Variants in EPHB1 observed in about 807,000 individuals in gnomAD.
EPHB1 encodes the protein ephrin type-B receptor 1.
In EPHB1, 30 loss-of-function variants were observed where a neutral mutation model predicts 94.4. That is an observed-to-expected ratio of 0.32 (90% CI 0.24 to 0.43). EPHB1 has a LOEUF of 0.43. Ranked by LOEUF, EPHB1 falls within the 20% of genes least tolerant of loss-of-function variation. The pLI is 1.00. For synonymous variants in EPHB1, 522 were observed against 489.1 expected, an observed-to-expected ratio of 1.07 and a Z score of -0.89; for missense variants, 1,055 against 1,308.3, an observed-to-expected ratio of 0.81 and a Z score of 2.99.
intron 2 of EPHB1, among the ~76,000 whole-genome samples, chr3:134,944,798 G>C (rs1463909397): frequency 1.3e-5 from 2 of 152,194 alleles, no homozygotes; most frequent in African/African-American, 4.8e-5. Context: ...AAGTGGAATT[G>C]CTGGGTCAAA....
At chr3:135,110,327 G>T (rs896040522) in intron 4 of EPHB1, among the ~76,000 whole-genome samples, 3 of 152,044 alleles carry the variant, frequency 2.0e-5, no homozygotes, top group Admixed American at 6.5e-5. Context: ...ATGAAAAAGG[G>T]GTCATTGTGT....
intron 1 of EPHB1, among the ~76,000 whole-genome samples, chr3:134,913,668 A>G (rs1341618636): frequency 6.6e-6 from 1 of 152,162 alleles, no homozygotes; most frequent in African/African-American, 2.4e-5. Context: ...ACTTCCATCA[A>G]GGGGTCGAGG....
At chr3:134,892,538 A>G (rs150840230) in intron 1 of EPHB1, among the ~76,000 whole-genome samples, 61 of 152,334 alleles carry the variant, frequency 4.0e-4, no homozygotes, top group African/African-American at 1.3e-3. Flanking sequence ...CTGCCCATCA[A>G]TCACTCCCTA....
At position 135,023,390 on chromosome 3, in the gene EPHB1, G is replaced by T. The variant is rs186382046; in HGVS notation, c.805+71338G>T. Among the ~76,000 whole-genome samples the T allele has an allele frequency of 4.7e-4, 71 of 152,254 alleles. 1 individual carries two copies. The highest frequency in any genetic ancestry group is 1.5e-3 in the African/African-American group (61 of 41,544). The stretch of plus-strand genomic sequence containing the variant: ...GGGAGCTGTCCTGTGCATTGTAGAA[G>T]ATTTAGCAGGATCCTTGGCCTCTAT... On this transcript the variant is annotated intron_variant, in intron 3 of 15. Transcript: ENST00000398015.
chr3:135,146,156 A>G (rs1941002922), intron 5 of EPHB1, among the ~76,000 whole-genome samples: 1 of 152,250 alleles, frequency 6.6e-6, no homozygotes, highest in South Asian at 2.1e-4. Flanking sequence ...TCTGGTGGGC[A>G]TGGTCAGGCA....
intron 1 of EPHB1, among the ~76,000 whole-genome samples, chr3:134,844,965 A>C (rs1207689448): frequency 6.6e-6 from 1 of 152,102 alleles, no homozygotes; most frequent in Non-Finnish European, 1.5e-5. Context: ...AAAGAGTTCC[A>C]CCTGAATCCA....
intron 3 of EPHB1, among the ~76,000 whole-genome samples, chr3:135,070,098 T>G (rs1316355373): frequency 1.3e-5 from 2 of 152,204 alleles, no homozygotes; most frequent in African/African-American, 4.8e-5. Context: ...TTTCAAACAC[T>G]GCAAATGAAA....
At position 135,106,462 on chromosome 3, in the gene EPHB1, A is replaced by T; in HGVS notation, c.820A>T (p.Thr274Ser). The change falls in exon 4 of 16, where the codon ACA (threonine) becomes TCA (serine). Residue 274 changes from threonine (T) to serine (S), a missense_variant. By Grantham distance (58) the Thr-to-Ser change is moderately conservative. Coordinates refer to ENST00000398015, the MANE Select transcript of EPHB1 (RefSeq NM_004441.5). ...SVACKACPAG[T>S]FKASQEAEGC... ...TTGTGTTCTAGCTTGCCCTGCAGGG[A>T]CATTCAAGGCCAGCCAGGAAGCTGA... is the stretch of plus-strand genomic sequence containing the variant. 6.2e-7 allele frequency: 1 copy of T among 1,614,026 alleles called. No individual in the cohort carries two copies. Among genetic ancestry groups the T allele is most frequent in the East Asian group, 2.2e-5 (1 of 44,878 alleles).
At chr3:135,005,475 G>A (rs978717458) in intron 3 of EPHB1, among the ~76,000 whole-genome samples, 1 of 152,246 alleles carries the variant, frequency 6.6e-6, no homozygotes. Context: ...TTGAGCTGTG[G>A]TGGGCTCCAC....
chr3:135,007,988 G>A lies in EPHB1; in HGVS notation c.805+55936G>A, dbSNP rs147183786. Among the ~76,000 whole-genome samples, 647 of 152,318 alleles carry A rather than the reference G, an allele frequency of 4.2e-3. 5 individuals are homozygous for A. The highest frequency in any genetic ancestry group is 0.015 in the African/African-American group (612 of 41,574). Reference sequence around the variant, plus strand: ...GAGGCCCCAGCCAGCCTTCACATCCGTGACAAAATCATGAGGGGAGGCTCA... The same window carrying A: ...GAGGCCCCAGCCAGCCTTCACATCCATGACAAAATCATGAGGGGAGGCTCA... On this transcript the variant is annotated intron_variant, in intron 3 of 15. Coordinates refer to ENST00000398015, the MANE Select transcript of EPHB1 (RefSeq NM_004441.5).
At chr3:134,855,792 T>C (rs1465327840) in intron 1 of EPHB1, among the ~76,000 whole-genome samples, 1 of 152,166 alleles carries the variant, frequency 6.6e-6, no homozygotes, top group Non-Finnish European at 1.5e-5. Flanking sequence ...CAGCTTCTGT[T>C]GCACTGCAAT....
intron 13 of EPHB1, among the ~76,000 whole-genome samples, chr3:135,243,255 A>G (rs1255283144): frequency 1.3e-5 from 2 of 152,166 alleles, no homozygotes; most frequent in African/African-American, 4.8e-5. Context: ...AAAATTTCTG[A>G]TATTAGACTT....
At chr3:135,199,430 C>T (rs1395220715) in intron 11 of EPHB1, among the ~76,000 whole-genome samples, 4 of 152,196 alleles carry the variant, frequency 2.6e-5, no homozygotes, top group African/African-American at 9.6e-5. Context: ...ACTGCACATC[C>T]AGCTCACAGA....
chr3:135,116,985 C>G (rs1939746866), intron 4 of EPHB1, among the ~76,000 whole-genome samples: 1 of 152,230 alleles, frequency 6.6e-6, no homozygotes, highest in Admixed American at 6.5e-5. Flanking sequence ...GATGGCTTCA[C>G]TTGGGTGTGA....
chr3:135,255,357 G>A lies in EPHB1; in HGVS notation c.2847-3655G>A, dbSNP rs367614314. On this transcript the variant is annotated intron_variant, in intron 15 of 15. Coordinates refer to ENST00000398015, the MANE Select transcript of EPHB1 (RefSeq NM_004441.5). Reference sequence around the variant, plus strand: ...CTGCTTTCTCTTGTGGGCATTTAGTGCTATAAATTTCCCTCTACACACTGC... The same window carrying A: ...CTGCTTTCTCTTGTGGGCATTTAGTACTATAAATTTCCCTCTACACACTGC... Among the ~76,000 whole-genome samples, 167 of 150,468 alleles carry A rather than the reference G, an allele frequency of 1.1e-3. 4 individuals are homozygous for A. The East Asian group carries it at 0.029, about 26-fold the overall frequency.
At chr3:134,818,088 T>A (rs1434322501) in intron 1 of EPHB1, among the ~76,000 whole-genome samples, 1 of 152,202 alleles carries the variant, frequency 6.6e-6, no homozygotes, top group Admixed American at 6.5e-5. Flanking sequence ...AGAGGAAAGA[T>A]GTGAAGAGGG....
chr3:135,239,132 C>T (rs1260807936), intron 12 of EPHB1, among the ~76,000 whole-genome samples: 1 of 152,192 alleles, frequency 6.6e-6, no homozygotes, highest in Admixed American at 6.5e-5. Flanking sequence ...ACATCTCCCC[C>T]ACCACAAAAG....
chr3:134,920,432 A>C (rs1389398759), intron 1 of EPHB1, among the ~76,000 whole-genome samples: 2 of 152,166 alleles, frequency 1.3e-5, no homozygotes, highest in African/African-American at 4.8e-5. Context: ...GGAGAATAAC[A>C]CAGGGAAATG....
chr3:134,896,433 A>G (rs1314112340), intron 1 of EPHB1, among the ~76,000 whole-genome samples: 1 of 152,200 alleles, frequency 6.6e-6, no homozygotes, highest in African/African-American at 2.4e-5. Flanking sequence ...AAACACTGAG[A>G]CCATGCCTGG....
Sources: allele counts gnomAD v4.1 joint callset (sites outside exome capture counted in the v4.1 genomes callset), GRCh38; gene constraint gnomAD v4.1.1; transcripts MANE v1.5; gene names NCBI Gene and HGNC (gene_info 2026-07-23, HGNC 2026-07-21).